Variants in PDS5B observed in about 807,000 individuals in gnomAD.
PDS5B encodes PDS5 cohesin associated factor B, also known as sister chromatid cohesion protein PDS5 homolog B.
PDS5B carries 51 observed loss-of-function variants against 184.1 expected under a neutral mutation model. The observed-to-expected ratio is 0.28, with a 90% CI of 0.22 to 0.35. PDS5B has a LOEUF of 0.35. Among genes scored for constraint, PDS5B ranks in the 10% least tolerant of loss-of-function variants. The probability of loss-of-function intolerance (pLI) is 1.00; values close to 1 mark genes in which losing one functional copy is unlikely to be tolerated. For missense variants in PDS5B, 1,180 were observed against 1,723.3 expected, an observed-to-expected ratio of 0.68 and a Z score of 5.58; for synonymous variants, 566 against 569.2, an observed-to-expected ratio of 0.99 and a Z score of 0.08.
At chr13:32,752,978 T>C (rs771545310) in intron 24 of PDS5B, among the ~76,000 whole-genome samples, 28 of 152,178 alleles carry the variant, frequency 1.8e-4, no homozygotes, top group Non-Finnish European at 3.2e-4. Context: ...AATGTATAAA[T>C]TGGGCAGTTT....
chr13:32,608,722 G>T (rs2058098484), intron 1 of PDS5B, among the ~76,000 whole-genome samples: 2 of 152,148 alleles, frequency 1.3e-5, no homozygotes, highest in African/African-American at 4.8e-5. Context: ...AGTAGATATG[G>T]CACACTTTAC....
At chr13:32,705,417 A>G (rs758069656) in intron 17 of PDS5B, among the ~76,000 whole-genome samples, 5 of 152,196 alleles carry the variant, frequency 3.3e-5, no homozygotes, top group Non-Finnish European at 5.9e-5. Flanking sequence ...CACCCTCAGA[A>G]ATACCAACTG....
chr13:32,635,067 A>G (rs2320301), intron 1 of PDS5B, among the ~76,000 whole-genome samples: 54,214 of 143,370 alleles, frequency 0.38, 10,529 homozygotes, highest in Non-Finnish European at 0.43. Flanking sequence ...GGAGTGCAGT[A>G]ACTTGATGAT....
At chr13:32,754,142 T>C (rs534429943) in intron 25 of PDS5B, among the ~76,000 whole-genome samples, 5 of 152,208 alleles carry the variant, frequency 3.3e-5, no homozygotes, top group Non-Finnish European at 7.3e-5. Flanking sequence ...TACCTTGCTA[T>C]ATTTTCACTT....
intron 1 of PDS5B, 48 bp from the exon 2 acceptor site, chr13:32,648,706 T>C (rs923148461): frequency 1.2e-5 from 9 of 758,278 alleles, no homozygotes; most frequent in African/African-American, 1.8e-5. Context: ...TTGTTAAGAA[T>C]GTTTATATCT....
chr13:32,671,610 A>G (rs1950937979), intron 7 of PDS5B, among the ~76,000 whole-genome samples: 2 of 152,232 alleles, frequency 1.3e-5, no homozygotes, highest in Non-Finnish European at 2.9e-5. Context: ...AAAACCAAAA[A>G]AGAAAGAATA....
chr13:32,686,622 A>T (rs1011891193), intron 11 of PDS5B, among the ~76,000 whole-genome samples: 2 of 152,154 alleles, frequency 1.3e-5, no homozygotes, highest in Admixed American at 6.5e-5. Context: ...TCTACAAAAA[A>T]CAAAAATAAA....
At chr13:32,769,151 A>G (rs1317971627) in intron 31 of PDS5B, among the ~76,000 whole-genome samples, 3 of 151,886 alleles carry the variant, frequency 2.0e-5, no homozygotes, top group African/African-American at 7.3e-5. Context: ...TATTAATAAT[A>G]AAGAAATAAC....
chr13:32,614,135 G>C (rs1420271327), intron 1 of PDS5B, among the ~76,000 whole-genome samples: 1 of 152,026 alleles, frequency 6.6e-6, no homozygotes, highest in East Asian at 1.9e-4. Context: ...ATGTAGCTTT[G>C]GGGTAAGTTA....
chr13:32,623,138 T>C (rs1746925820), intron 1 of PDS5B, among the ~76,000 whole-genome samples: 1 of 152,120 alleles, frequency 6.6e-6, no homozygotes, highest in Admixed American at 6.6e-5. Context: ...GTTTAGTCAT[T>C]TTCTTGGTAT....
At chr13:32,634,749 G>C (rs1386554512) in intron 1 of PDS5B, among the ~76,000 whole-genome samples, 2 of 151,800 alleles carry the variant, frequency 1.3e-5, no homozygotes, top group African/African-American at 2.4e-5. Flanking sequence ...CGCCTGGCTA[G>C]TTTTTGTATT....
chr13:32,749,876 CTTA>C (rs2140990905), intron 24 of PDS5B, among the ~76,000 whole-genome samples: 1 of 152,020 alleles, frequency 6.6e-6, no homozygotes, highest in East Asian at 1.9e-4. Context: ...CTGTTTTTTT[CTTA>C]TGTTTAACCA....
chr13:32,731,147 G>A (rs1320813350), intron 19 of PDS5B, among the ~76,000 whole-genome samples: 2 of 151,806 alleles, frequency 1.3e-5, no homozygotes, highest in South Asian at 2.1e-4. Context: ...CCATTTTTAG[G>A]CCTTTACATG....
chr13:32,764,369 C>CT, intron 30 of PDS5B, 120 bp from the exon 31 acceptor site: 1 of 451,420 alleles, frequency 2.2e-6, no homozygotes, highest in Non-Finnish European at 3.9e-6. Context: ...TAGAATGAAA[C>CT]TGATTCATTT....
intron 19 of PDS5B, among the ~76,000 whole-genome samples, chr13:32,715,737 T>C (rs1952368129): frequency 6.6e-6 from 1 of 152,120 alleles, no homozygotes; most frequent in African/African-American, 2.4e-5. Flanking sequence ...TGCTGCCATC[T>C]CGGCTCACTG....
intron 1 of PDS5B, among the ~76,000 whole-genome samples, chr13:32,631,110 T>C (rs1222790036): frequency 7.3e-6 from 1 of 137,224 alleles, no homozygotes; most frequent in African/African-American, 2.7e-5. Flanking sequence ...TTGATTCTTT[T>C]TTTCTTTCTT....
intron 31 of PDS5B, among the ~76,000 whole-genome samples, chr13:32,767,848 T>G (rs985410373): frequency 6.6e-6 from 1 of 152,074 alleles, no homozygotes; most frequent in African/African-American, 2.4e-5. Flanking sequence ...TGTGGAGGAA[T>G]AAATAAATAT....
chr13:32,658,167 C>T (rs2140695728), intron 3 of PDS5B, 72 bp from the exon 4 acceptor site: 1 of 753,882 alleles, frequency 1.3e-6, no homozygotes, highest in East Asian at 2.7e-5. Context: ...GCTGAATAAA[C>T]TCTTGGAGTT....
At chr13:32,646,369 G>GTTTTTTTTTTTT (rs58539534) in intron 1 of PDS5B, among the ~76,000 whole-genome samples, 1 of 106,070 alleles carries the variant, frequency 9.4e-6, no homozygotes, top group African/African-American at 3.9e-5. Flanking sequence ...TCATGGCTGT[G>GTTTTTTTTTTTT]TTTTTTTTTT....
Sources: allele counts gnomAD v4.1 joint callset (sites outside exome capture counted in the v4.1 genomes callset), GRCh38; gene constraint gnomAD v4.1.1; transcripts MANE v1.5; gene names NCBI Gene and HGNC (gene_info 2026-07-23, HGNC 2026-07-21).